Variants in DPP6 observed in about 807,000 individuals in gnomAD.
DPP6 encodes the protein dipeptidyl peptidase like 6.
DPP6 carries 69 observed loss-of-function variants against 122.6 expected under a neutral mutation model. The observed-to-expected ratio is 0.56, with a 90% CI of 0.46 to 0.69. The LOEUF is 0.69. Among genes scored for constraint, DPP6 ranks in the 30% least tolerant of loss-of-function variants. DPP6 has a pLI of 0.00. For missense variants in DPP6, 928 were observed against 1,116.9 expected, an observed-to-expected ratio of 0.83 and a Z score of 2.41; for synonymous variants, 418 against 433.1, an observed-to-expected ratio of 0.97 and a Z score of 0.43.
At chr7:154,021,481 G>A (rs1216097784) in intron 1 of DPP6, among the ~76,000 whole-genome samples, 3 of 152,146 alleles carry the variant, frequency 2.0e-5, no homozygotes, top group Admixed American at 6.5e-5. Context: ...CAGAAGTCAC[G>A]TAAGAGACCT....
At chr7:154,841,184 AG>A (rs1470934675) in intron 16 of DPP6, among the ~76,000 whole-genome samples, 1 of 152,162 alleles carries the variant, frequency 6.6e-6, no homozygotes, top group Admixed American at 6.5e-5. Context: ...TATGCTGAGA[AG>A]GCCGGGAAGT....
At chr7:153,976,379 C>T (rs1343027390) in intron 1 of DPP6, among the ~76,000 whole-genome samples, 1 of 152,138 alleles carries the variant, frequency 6.6e-6, no homozygotes, top group Non-Finnish European at 1.5e-5. Flanking sequence ...AACAGAAACA[C>T]GAAGAACCAA....
chr7:154,088,081 A>G (rs1238481467), intron 1 of DPP6, among the ~76,000 whole-genome samples: 2 of 152,106 alleles, frequency 1.3e-5, no homozygotes, highest in African/African-American at 4.8e-5. Flanking sequence ...TTGTGACCAC[A>G]CTTTTGGAGT....
At chr7:154,696,234 GC>G (rs889652441) in intron 7 of DPP6, among the ~76,000 whole-genome samples, 1 of 152,202 alleles carries the variant, frequency 6.6e-6, no homozygotes, top group Non-Finnish European at 1.5e-5. Flanking sequence ...ACGGGGCACA[GC>G]CACCCGGGCC....
At chr7:154,239,955 G>A (rs921271241) in intron 1 of DPP6, among the ~76,000 whole-genome samples, 1 of 134,512 alleles carries the variant, frequency 7.4e-6, no homozygotes, top group Non-Finnish European at 1.5e-5. Context: ...TCGTGCCACT[G>A]CACTCCAGCC....
intron 4 of DPP6, among the ~76,000 whole-genome samples, chr7:154,562,475 A>T (rs1423097926): frequency 6.6e-6 from 1 of 152,158 alleles, no homozygotes; most frequent in Non-Finnish European, 1.5e-5. Context: ...TCTATTAAAA[A>T]TACCATAAAT....
intron 5 of DPP6, among the ~76,000 whole-genome samples, chr7:154,578,141 G>A (rs1171664990): frequency 6.6e-6 from 1 of 152,186 alleles, no homozygotes; most frequent in Non-Finnish European, 1.5e-5. Context: ...TCTTGAAACA[G>A]GTTAGGACAT....
intron 1 of DPP6, among the ~76,000 whole-genome samples, chr7:154,217,398 G>C (rs1330692120): frequency 1.3e-5 from 2 of 152,178 alleles, no homozygotes; most frequent in African/African-American, 4.8e-5. Flanking sequence ...GGATGGAACA[G>C]AAACTCAAAT....
chr7:154,812,046 A>G (rs1185275532), intron 16 of DPP6, among the ~76,000 whole-genome samples: 1 of 152,236 alleles, frequency 6.6e-6, no homozygotes, highest in Non-Finnish European at 1.5e-5. Context: ...ATCCCGTCAC[A>G]CAGGGAGGGA....
chr7:154,148,070 G>A (rs1585487011), intron 1 of DPP6, among the ~76,000 whole-genome samples: 1 of 148,948 alleles, frequency 6.7e-6, no homozygotes, highest in African/African-American at 2.6e-5. Flanking sequence ...GACCGTGAAG[G>A]TGTCCTGGTA....
chr7:154,546,643 T>G (rs1829220599), intron 4 of DPP6, among the ~76,000 whole-genome samples: 1 of 152,224 alleles, frequency 6.6e-6, no homozygotes, highest in African/African-American at 2.4e-5. Context: ...GCTGTATCCT[T>G]CTTGGTTTTA....
intron 4 of DPP6, among the ~76,000 whole-genome samples, chr7:154,561,255 A>G (rs75536313): frequency 0.025 from 3,830 of 152,334 alleles, 63 homozygotes; most frequent in African/African-American, 0.041. Flanking sequence ...AAGTCAACCG[A>G]ATTGACATGT....
At chr7:154,107,392 C>A (rs968214758) in intron 1 of DPP6, among the ~76,000 whole-genome samples, 1 of 152,096 alleles carries the variant, frequency 6.6e-6, no homozygotes, top group African/African-American at 2.4e-5. Context: ...GTCAAAATTA[C>A]AGAGGCAGAG....
chr7:154,867,963 A>G, intron 17 of DPP6, 32 bp from the exon 18 acceptor site: 1 of 1,563,318 alleles, frequency 6.4e-7, no homozygotes, highest in Non-Finnish European at 8.7e-7. Flanking sequence ...TGACCACTGC[A>G]TCTCAGTGTG....
chr7:154,328,691 A>C (rs1025670347), intron 1 of DPP6, among the ~76,000 whole-genome samples: 3 of 152,264 alleles, frequency 2.0e-5, no homozygotes, highest in East Asian at 3.9e-4. Context: ...AGCCCACAGA[A>C]ATGGAGGGTT....
chr7:154,063,676 C>G (rs10269944), intron 1 of DPP6, among the ~76,000 whole-genome samples: 38,111 of 102,300 alleles, frequency 0.37, 8,097 homozygotes, highest in African/African-American at 0.53. Context: ...GACCCCCATC[C>G]CAGCGGGGGG....
chr7:154,125,080 A>G lies in DPP6; in HGVS notation c.243+72017A>G, dbSNP rs552557222. Among the ~76,000 whole-genome samples, 12 of 152,352 alleles carry G rather than the reference A, an allele frequency of 7.9e-5. No homozygotes were observed. In the South Asian group the frequency reaches 2.1e-3, roughly 26 times the overall value. On this transcript the variant is annotated intron_variant, in intron 1 of 25. Transcript: ENST00000377770. ...TGCAGTCAGGGCGCAGCCCATTGGT[A>G]TGCAGCGTGGAGGTCTTTGGAGACA... is the stretch of plus-strand genomic sequence containing the variant.
At chr7:154,498,807 A>G (rs1213036636) in intron 3 of DPP6, among the ~76,000 whole-genome samples, 2 of 152,250 alleles carry the variant, frequency 1.3e-5, no homozygotes, top group South Asian at 2.1e-4. Context: ...TACCCACTCA[A>G]TGCCAGCAGC....
chr7:154,879,516 A>C, intron 20 of DPP6, among the ~76,000 whole-genome samples: 1 of 90,626 alleles, frequency 1.1e-5, no homozygotes, highest in African/African-American at 5.5e-5. Context: ...CGTGAACCCC[A>C]GGGGGCGGAG....
Sources: allele counts gnomAD v4.1 joint callset (sites outside exome capture counted in the v4.1 genomes callset), GRCh38; gene constraint gnomAD v4.1.1; transcripts MANE v1.5; gene names NCBI Gene and HGNC (gene_info 2026-07-23, HGNC 2026-07-21).